RAB6B: variants seen among roughly 807,000 people sequenced by gnomAD.
RAB6B encodes ras-related protein Rab-6B.
RAB6B carries 7 observed loss-of-function variants against 31.2 expected under a neutral mutation model. That is an observed-to-expected ratio of 0.22 (90% CI 0.13 to 0.42). The LOEUF (loss-of-function observed/expected upper bound fraction) is 0.42, where lower values mean the gene tolerates loss of function less well. Ranked by LOEUF, RAB6B falls within the 10% of genes least tolerant of loss-of-function variation. RAB6B has a pLI of 1.00. For synonymous variants in RAB6B, 105 were observed against 104.9 expected (o/e 1.00, Z -0.01); for missense variants, 149 against 280.6 (o/e 0.53, Z 3.35).
chr3:133,881,235 C>CT (rs1936462719), intron 1 of RAB6B, among the ~76,000 whole-genome samples: 1 of 152,186 alleles, frequency 6.6e-6, no homozygotes, highest in African/African-American at 2.4e-5. Context: ...AAAAGCAGCA[C>CT]TATAGATGAG....
At chr3:133,846,343 A>T (rs1935908121) in intron 2 of RAB6B, among the ~76,000 whole-genome samples, 1 of 152,220 alleles carries the variant, frequency 6.6e-6, no homozygotes, top group Non-Finnish European at 1.5e-5. Flanking sequence ...GTTACTTAGA[A>T]GGCTGAGGCA....
At chr3:133,875,285 TGC>T (rs1936377978) in intron 1 of RAB6B, among the ~76,000 whole-genome samples, 1 of 151,962 alleles carries the variant, frequency 6.6e-6, no homozygotes, top group African/African-American at 2.4e-5. Context: ...TGTGTGTGTG[TGC>T]ATGTGTTAAG....
intron 7 of RAB6B, among the ~76,000 whole-genome samples, chr3:133,831,097 T>A (rs1352029086): frequency 3.3e-5 from 5 of 152,130 alleles, no homozygotes; most frequent in Non-Finnish European, 1.5e-5. Context: ...ACTAAAACAA[T>A]CTCATGCGCA....
Position 133,841,618 on chromosome 3 carries a change from C to T in RAB6B, c.175G>A (p.Asp59Asn), listed in dbSNP as rs777877260. The T allele has an allele frequency of 6.2e-7, 1 of 1,613,764 alleles. No individual in the cohort carries two copies. Among genetic ancestry groups the T allele is most frequent in the Non-Finnish European group, 8.5e-7 (1 of 1,179,880 alleles). The change falls in exon 3 of 8, where the codon GAC becomes AAC. Residue 59 changes from aspartate (D) to asparagine (N), a missense_variant. Around this residue, in one of 2 missense-constraint regions of RAB6B, gnomAD observed 75 missense variants for 180.1 expected, o/e 0.42. Coordinates refer to ENST00000285208, the MANE Select transcript of RAB6B (RefSeq NM_016577.4). ...DFLSKTMYLE[D>N]RTVRLQLWDT... ...TGATATTAGGTGCTCACCGTGCGGT[C>T]CTCCAAGTACATGGTTTTTGACAAG...
At chr3:133,832,621 A>C (rs905631595) in intron 7 of RAB6B, among the ~76,000 whole-genome samples, 1 of 152,192 alleles carries the variant, frequency 6.6e-6, no homozygotes, top group African/African-American at 2.4e-5. Context: ...ATCCCGAAAG[A>C]AGCAGAATGA....
chr3:133,873,922 T>C (rs1330641020), intron 1 of RAB6B, among the ~76,000 whole-genome samples: 1 of 152,150 alleles, frequency 6.6e-6, no homozygotes, highest in Non-Finnish European at 1.5e-5. Flanking sequence ...GAAAAGAAAA[T>C]GTTATTACAA....
intron 6 of RAB6B, among the ~76,000 whole-genome samples, chr3:133,837,627 G>GGA (rs1369481566): frequency 6.6e-6 from 1 of 152,204 alleles, no homozygotes; most frequent in Non-Finnish European, 1.5e-5. Flanking sequence ...TTCCACCCAT[G>GGA]GACTACTCAG....
At chr3:133,888,351 G>C (rs1056319425) in intron 1 of RAB6B, among the ~76,000 whole-genome samples, 4 of 152,206 alleles carry the variant, frequency 2.6e-5, no homozygotes, top group African/African-American at 9.6e-5. Context: ...CCGGCATAGT[G>C]GATGTTCAAT....
chr3:133,894,952 C>G (rs1936686374), intron 1 of RAB6B, among the ~76,000 whole-genome samples: 1 of 152,234 alleles, frequency 6.6e-6, no homozygotes, highest in African/African-American at 2.4e-5. Context: ...TGAGGCCCGG[C>G]CAGACCCCAG....
At chr3:133,841,218 C>A in intron 4 of RAB6B, 67 bp downstream of exon 4, 1 of 1,481,518 alleles carries the variant, frequency 6.7e-7, no homozygotes, top group Non-Finnish European at 9.4e-7. Flanking sequence ...ACAGGCCTGG[C>A]CAGGGTCACA....
At chr3:133,863,688 C>T (rs560709900) in intron 2 of RAB6B, among the ~76,000 whole-genome samples, 1 of 152,266 alleles carries the variant, frequency 6.6e-6, no homozygotes, top group Admixed American at 6.5e-5. Flanking sequence ...ACCCACCACC[C>T]CCTACCTCAA....
intron 2 of RAB6B, among the ~76,000 whole-genome samples, chr3:133,846,878 A>C (rs1935915258): frequency 6.6e-6 from 1 of 152,234 alleles, no homozygotes; most frequent in South Asian, 2.1e-4. Flanking sequence ...TTCAAAAATG[A>C]AGACAAAACA....
intron 2 of RAB6B, among the ~76,000 whole-genome samples, chr3:133,848,840 G>C (rs1401702182): frequency 6.6e-6 from 1 of 151,394 alleles, no homozygotes; most frequent in Admixed American, 6.6e-5. Context: ...ATGAGTTTTG[G>C]TGGTGACACT....
At chr3:133,841,069 C>G (rs765101067) in intron 4 of RAB6B, among the ~76,000 whole-genome samples, 1 of 152,170 alleles carries the variant, frequency 6.6e-6, no homozygotes, top group Non-Finnish European at 1.5e-5. Flanking sequence ...AAACCCCTGT[C>G]GGTTGCAGGA....
Position 133,865,467 on chromosome 3 carries a change from C to T in RAB6B, c.71-825G>A, listed in dbSNP as rs78730857. On this transcript the variant is annotated intron_variant, in intron 1 of 7. Transcript: ENST00000285208. ...TGGGGCCTGGCAGTGACAGAAATGC[C>T]AACTGCTGCATTTCTAACCATCTGG... Among the ~76,000 whole-genome samples, 1,509 of 152,316 alleles carry T rather than the reference C, an allele frequency of 9.9e-3. 18 individuals are homozygous for T. Among genetic ancestry groups the T allele is most frequent in the African/African-American group, 0.035 (1,459 of 41,558 alleles).
intron 1 of RAB6B, among the ~76,000 whole-genome samples, chr3:133,870,023 C>T (rs1936293626): frequency 6.6e-6 from 1 of 152,196 alleles, no homozygotes; most frequent in African/African-American, 2.4e-5. Context: ...AGCAATAGAC[C>T]TGTGCTTTAG....
At chr3:133,829,143 C>A (rs1402287837) in intron 7 of RAB6B, among the ~76,000 whole-genome samples, 1 of 152,192 alleles carries the variant, frequency 6.6e-6, no homozygotes, top group Non-Finnish European at 1.5e-5. Context: ...AGAAGCCTTC[C>A]CTCGACCAGT....
chr3:133,890,853 C>T (rs1936628153), intron 1 of RAB6B, among the ~76,000 whole-genome samples: 1 of 152,100 alleles, frequency 6.6e-6, no homozygotes, highest in African/African-American at 2.4e-5. Flanking sequence ...TTTTAAAATC[C>T]TTAGCTAACA....
At chr3:133,838,028 G>T in intron 6 of RAB6B, 138 bp downstream of exon 6, 1 of 838,772 alleles carries the variant, frequency 1.2e-6, no homozygotes, top group Non-Finnish European at 1.9e-6. Flanking sequence ...CTCCCTGGGC[G>T]CATCTATGGG....
Sources: gnomAD v4.1 joint callset for allele counts (sites outside exome capture counted in the v4.1 genomes callset) on GRCh38, gnomAD v4.1.1 for gene constraint, gnomAD v4.1.1 regional missense constraint, MANE v1.5 for transcripts, NCBI Gene and HGNC (gene_info 2026-07-23, HGNC 2026-07-21) for gene names.